The following NKAIN3 variants were observed in gnomAD, a reference collection of about 807,000 sequenced individuals.
NKAIN3 encodes sodium/potassium-transporting ATPase subunit beta-1-interacting protein 3.
NKAIN3 carries 25 observed loss-of-function variants against 30.2 expected under a neutral mutation model. The observed-to-expected ratio is 0.83, with a 90% CI of 0.60 to 1.16. The LOEUF (loss-of-function observed/expected upper bound fraction) is 1.16. NKAIN3 is among the 50% of genes most tolerant of loss of function. The pLI, the probability that NKAIN3 is intolerant of heterozygous loss-of-function variation, is 0.00. For missense variants in NKAIN3, 225 were observed against 254.1 expected (o/e 0.89, Z 0.78); for synonymous variants, 91 against 89.6 (o/e 1.02, Z -0.09).
chr8:62,272,625 A>G (rs940193201), intron 1 of NKAIN3, among the ~76,000 whole-genome samples: 1 of 152,124 alleles, frequency 6.6e-6, no homozygotes, highest in African/African-American at 2.4e-5. Flanking sequence ...GCCAGCTTCT[A>G]CTAAGGTTAT....
chr8:62,370,884 G>C (rs1355961242), intron 1 of NKAIN3, among the ~76,000 whole-genome samples: 1 of 151,900 alleles, frequency 6.6e-6, no homozygotes, highest in Admixed American at 6.6e-5. Flanking sequence ...TGCTTCTTTT[G>C]AAATTTAAAA....
intron 3 of NKAIN3, among the ~76,000 whole-genome samples, chr8:62,636,612 A>C (rs1393584229): frequency 6.6e-6 from 1 of 152,222 alleles, no homozygotes; most frequent in East Asian, 1.9e-4. Flanking sequence ...GTAGAGAATA[A>C]TCTTGTGTTT....
chr8:62,398,572 C>A (rs115132631), intron 1 of NKAIN3, among the ~76,000 whole-genome samples: 127 of 152,190 alleles, frequency 8.3e-4, no homozygotes, highest in African/African-American at 2.8e-3. Context: ...TAAAAGTTTC[C>A]AAGTGAGAAT....
intron 1 of NKAIN3, among the ~76,000 whole-genome samples, chr8:62,249,330 A>G (rs1328961503): frequency 3.3e-5 from 5 of 151,992 alleles, no homozygotes; most frequent in African/African-American, 1.2e-4. Context: ...CCTGCCCTGC[A>G]GGAGGGCGCG....
intron 1 of NKAIN3, among the ~76,000 whole-genome samples, chr8:62,499,059 T>C (rs1028650676): frequency 1.3e-5 from 2 of 152,194 alleles, no homozygotes; most frequent in Non-Finnish European, 2.9e-5. Context: ...TCTTTGATGC[T>C]GTGAGGAGTT....
intron 1 of NKAIN3, among the ~76,000 whole-genome samples, chr8:62,452,712 T>C (rs1423509861): frequency 6.6e-6 from 1 of 152,212 alleles, no homozygotes; most frequent in Non-Finnish European, 1.5e-5. Context: ...CCCTTATCAT[T>C]ACTCTTGATT....
chr8:62,390,513 C>T (rs1817558857), intron 1 of NKAIN3, among the ~76,000 whole-genome samples: 1 of 152,080 alleles, frequency 6.6e-6, no homozygotes, highest in Non-Finnish European at 1.5e-5. Context: ...TATAAACATG[C>T]TTGTGTCTTT....
rs539735840 is a variant in NKAIN3 at position 62,683,240 on chromosome 8, T to A, written c.274-63692T>A. Among the ~76,000 whole-genome samples the A allele has an allele frequency of 9.9e-5, 15 of 152,266 alleles. No individual in the cohort carries two copies. The South Asian group carries it at 3.1e-3, about 32-fold the overall frequency. On this transcript the variant is annotated intron_variant, in intron 3 of 6. Transcript: ENST00000623646. ...TAGTAGAAACGGGGTTTCACCGTGT[T>A]AACCAGGATGGTCTTGATCTCCTGA... is the stretch of plus-strand genomic sequence containing the variant.
chr8:62,358,909 C>T (rs1045613545), intron 1 of NKAIN3, among the ~76,000 whole-genome samples: 6 of 152,086 alleles, frequency 3.9e-5, no homozygotes, highest in South Asian at 2.1e-4. Flanking sequence ...TGGCCGGGCG[C>T]GGTGGCTCAC....
intron 1 of NKAIN3, among the ~76,000 whole-genome samples, chr8:62,570,418 A>C (rs1261747913): frequency 6.6e-5 from 10 of 152,186 alleles, no homozygotes; most frequent in Non-Finnish European, 1.5e-4. Context: ...TACTCGAGAC[A>C]GGGCAATTTA....
chr8:62,553,816 G>A (rs1006844874), intron 1 of NKAIN3, among the ~76,000 whole-genome samples: 1 of 152,120 alleles, frequency 6.6e-6, no homozygotes, highest in African/African-American at 2.4e-5. Context: ...GGGATTACAG[G>A]TGTGAGCCAC....
chr8:62,926,042 T>G (rs963100326), intron 5 of NKAIN3, among the ~76,000 whole-genome samples: 4 of 152,112 alleles, frequency 2.6e-5, no homozygotes, highest in African/African-American at 4.8e-5. Context: ...GAAGGAAGAA[T>G]GAAGAATCTG....
intron 4 of NKAIN3, among the ~76,000 whole-genome samples, chr8:62,882,544 T>A (rs886636151): frequency 6.6e-6 from 1 of 151,992 alleles, no homozygotes; most frequent in Non-Finnish European, 1.5e-5. Flanking sequence ...TCTCGAACTC[T>A]TTGCCTTAAG....
At chr8:62,839,049 C>A (rs1819452632) in intron 4 of NKAIN3, among the ~76,000 whole-genome samples, 1 of 152,032 alleles carries the variant, frequency 6.6e-6, no homozygotes, top group Non-Finnish European at 1.5e-5. Flanking sequence ...TCCCTTCGTA[C>A]ACACACCCAA....
At chr8:62,297,136 T>G (rs950260655) in intron 1 of NKAIN3, among the ~76,000 whole-genome samples, 30 of 152,232 alleles carry the variant, frequency 2.0e-4, no homozygotes, top group Non-Finnish European at 4.4e-4. Context: ...GATCTTTCAC[T>G]GGATCCCTTC....
chr8:62,865,964 A>T (rs544278925), intron 4 of NKAIN3, among the ~76,000 whole-genome samples: 18 of 149,186 alleles, frequency 1.2e-4, no homozygotes, highest in Admixed American at 2.0e-4. Flanking sequence ...TTGGATTTTT[A>T]AAAAAGTGGC....
At chr8:62,751,019 G>T (rs1317018261) in intron 4 of NKAIN3, among the ~76,000 whole-genome samples, 1 of 152,126 alleles carries the variant, frequency 6.6e-6, no homozygotes, top group Non-Finnish European at 1.5e-5. Flanking sequence ...AATCTTATCA[G>T]TCACGTTCCT....
chr8:62,988,225 T>C (rs1824243647), downstream of NKAIN3, among the ~76,000 whole-genome samples: 1 of 152,158 alleles, frequency 6.6e-6, no homozygotes, highest in Non-Finnish European at 1.5e-5. Flanking sequence ...CTATGGCTTT[T>C]CCAGATGCAC....
intron 4 of NKAIN3, among the ~76,000 whole-genome samples, chr8:62,801,649 T>TA (rs1463881492): frequency 2.0e-5 from 3 of 151,972 alleles, no homozygotes; most frequent in African/African-American, 7.2e-5. Context: ...CAAAAGTAGA[T>TA]AAAACCACAA....
Sources: gnomAD v4.1 joint callset for allele counts (sites outside exome capture counted in the v4.1 genomes callset) on GRCh38, gnomAD v4.1.1 for gene constraint, MANE v1.5 for transcripts, NCBI Gene and HGNC (gene_info 2026-07-23, HGNC 2026-07-21) for gene names.